The following ABHD2 variants were observed in gnomAD, a reference collection of about 807,000 sequenced individuals.
ABHD2 encodes abhydrolase domain containing 2, acylglycerol lipase, also known as monoacylglycerol lipase ABHD2.
ABHD2 carries 20 observed loss-of-function variants against 48.1 expected under a neutral mutation model. The ratio of observed to expected loss-of-function variants is 0.42; its 90% CI spans 0.29 to 0.60. The LOEUF is 0.60. ABHD2 is among the 20% of genes least tolerant of loss of function. The probability of loss-of-function intolerance (pLI) is 0.24; values close to 1 mark genes in which losing one functional copy is unlikely to be tolerated. For missense variants in ABHD2, 405 were observed against 550.9 expected (o/e 0.74, Z 2.65); for synonymous variants, 209 against 214.2 (o/e 0.98, Z 0.21).
In ABHD2 at chr15:89,101,972, T is replaced by TG. The variant is rs1225436917; in HGVS notation, c.-106-11752dup. Among the ~76,000 whole-genome samples, 18 of 152,314 alleles carry TG rather than the reference T, an allele frequency of 1.2e-4. 1 individual carries two copies. In the South Asian group the frequency reaches 1.7e-3, roughly 14 times the overall value. ...ATATGAACAACAGTGCACAGCCCTATGCGCACAGCCAAGGCAGCACCTGTG... is the reference window on the plus strand; with the variant it reads ...ATATGAACAACAGTGCACAGCCCTATGGCGCACAGCCAAGGCAGCACCTGTG... On this transcript the variant is annotated intron_variant, in intron 1 of 10. Transcript: ENST00000352732.
At chr15:89,118,610 C>G (rs2049999429) in intron 3 of ABHD2, among the ~76,000 whole-genome samples, 4 of 152,068 alleles carry the variant, frequency 2.6e-5, no homozygotes, top group African/African-American at 9.7e-5. Context: ...TCTTGAAAAC[C>G]AAAGTATTTA....
chr15:89,058,642 G>C, the ABHD2 span, among the ~76,000 whole-genome samples: 1 of 152,076 alleles, frequency 6.6e-6, no homozygotes, highest in African/African-American at 2.4e-5. Flanking sequence ...AGTGCCCCTG[G>C]ACATCGAGAC....
At chr15:89,059,398 C>T in the ABHD2 span, among the ~76,000 whole-genome samples, 2 of 152,290 alleles carry the variant, frequency 1.3e-5, no homozygotes, top group Middle Eastern at 3.4e-3. Flanking sequence ...CCCTGGGAGA[C>T]GCCTACAGAT....
chr15:89,089,191 C>T (rs1035571743), intron 1 of ABHD2, among the ~76,000 whole-genome samples: 1 of 152,260 alleles, frequency 6.6e-6, no homozygotes, highest in Non-Finnish European at 1.5e-5. Flanking sequence ...GCGCCTCGAC[C>T]TTGGCGATGT....
chr15:89,049,578 T>A, the ABHD2 span, among the ~76,000 whole-genome samples: 42,082 of 152,124 alleles, frequency 0.28, 6,200 homozygotes, highest in African/African-American at 0.38. Context: ...CAGGTGTGGG[T>A]TATAATCTCC....
intron 3 of ABHD2, among the ~76,000 whole-genome samples, chr15:89,145,618 C>G (rs1011353002): frequency 2.0e-5 from 3 of 152,184 alleles, no homozygotes; most frequent in Non-Finnish European, 2.9e-5. Context: ...GGCTGCCTAG[C>G]ATTCATTCTT....
Position 89,176,172 on chromosome 15 carries a change from T to TC in ABHD2, c.722+178dup, listed in dbSNP as rs2051010414. ...CATATCATACATTGGAGATGCCCCA[T>TC]CAGACCCCTTAAGCCTGGGATATGC... On this transcript the variant is annotated intron_variant, in intron 6 of 10. Coordinates refer to ENST00000352732, the MANE Select transcript of ABHD2 (RefSeq NM_152924.5). The surrounding 1 kb of genome is among the most constrained non-coding windows in gnomAD (Gnocchi z 4.5). Among the ~76,000 whole-genome samples, 1 of 152,194 alleles carries TC rather than the reference T, an allele frequency of 6.6e-6. No individual in the cohort carries two copies. Among genetic ancestry groups the TC allele is most frequent in the East Asian group, 1.9e-4 (1 of 5,198 alleles).
intron 3 of ABHD2, among the ~76,000 whole-genome samples, chr15:89,133,834 A>ATTT (rs71464448): frequency 0.17 from 20,480 of 123,394 alleles, 1,820 homozygotes; most frequent in East Asian, 0.23. Context: ...GCCATGCATA[A>ATTT]TTTTTTTTTT....
At chr15:89,119,334 C>T (rs975443973) in intron 3 of ABHD2, among the ~76,000 whole-genome samples, 3 of 152,180 alleles carry the variant, frequency 2.0e-5, no homozygotes, top group African/African-American at 4.8e-5. Context: ...AAAGGATTCA[C>T]TTTATTGCCC....
At position 89,094,348 on chromosome 15, in the gene ABHD2, A is replaced by G. The variant is rs530397037; in HGVS notation, c.-107+5785A>G. On this transcript the variant is annotated intron_variant, in intron 1 of 10. Transcript: ENST00000352732. This position sits in a 1 kb window ranked among gnomAD's most constrained non-coding sequence, Gnocchi z 4.7. The stretch of plus-strand genomic sequence containing the variant: ...GTGTACTGTTTACTTAGTCATGTCA[A>G]TGAGGGCAATAAAAAACAAAAATCA... 1.3e-5 allele frequency: 2 copies of G among 152,318 alleles called. No individual in the cohort carries two copies. Among genetic ancestry groups the G allele is most frequent in the South Asian group, 4.1e-4 (2 of 4,826 alleles). 9.4% of individuals were successfully genotyped at this position (152,318 alleles called of 1,614,324 possible).
intron 3 of ABHD2, among the ~76,000 whole-genome samples, chr15:89,127,842 A>G (rs1157535725): frequency 6.6e-6 from 1 of 151,482 alleles, no homozygotes; most frequent in Non-Finnish European, 1.5e-5. Flanking sequence ...ATCACACACA[A>G]TACTTTTTCT....
At position 89,177,888 on chromosome 15, in the gene ABHD2, C is replaced by T. The variant is rs539529083; in HGVS notation, c.722+1893C>T. ...TTTTTCAATGCACAAAATCTTAACA[C>T]GACAATCCCTTCATCTCATTTTGCT... On this transcript the variant is annotated intron_variant, in intron 6 of 10. Transcript: ENST00000352732. This position sits in a 1 kb window ranked among gnomAD's most constrained non-coding sequence, Gnocchi z 5.6. 3.3e-5 allele frequency among the ~76,000 whole-genome samples: 5 copies of T among 152,210 alleles called. No individual in the cohort carries two copies. The highest frequency in any genetic ancestry group is 7.2e-5 in the African/African-American group (3 of 41,534).
At chr15:89,085,373 C>A (rs1812711030), upstream of ABHD2, among the ~76,000 whole-genome samples, 1 of 151,864 alleles carries the variant, frequency 6.6e-6, no homozygotes, top group Non-Finnish European at 1.5e-5. This position sits in a 1 kb window ranked among gnomAD's most constrained non-coding sequence, Gnocchi z 4.2. Context: ...TCCATTTTGT[C>A]TCCTAAATGG....
At chr15:89,170,209 C>A (rs147402277) in intron 5 of ABHD2, among the ~76,000 whole-genome samples, 115 of 148,546 alleles carry the variant, frequency 7.7e-4, no homozygotes, top group South Asian at 4.6e-3. Flanking sequence ...GATTCTCCCA[C>A]CTCAGCCTCC....
chr15:89,073,371 C>G, the ABHD2 span, among the ~76,000 whole-genome samples: 1 of 152,178 alleles, frequency 6.6e-6, no homozygotes, highest in Non-Finnish European at 1.5e-5. Flanking sequence ...TCTTGGCTCA[C>G]TGCAACTTCC....
rs540968410 is a variant in ABHD2, at chr15:89,115,923, A to AG, written c.-6-399_-6-398insG. Among the ~76,000 whole-genome samples, 162 of 152,338 alleles carry AG rather than the reference A, an allele frequency of 1.1e-3. 1 individual carries two copies. Among genetic ancestry groups the AG allele is most frequent in the African/African-American group, 3.6e-3 (151 of 41,582 alleles). ...GGTTAAGCCTACAGAGAGGAAAAAA[A>AG]ACAAAAGGATGACCTGTTAACAAAA... is the stretch of plus-strand genomic sequence containing the variant. On this transcript the variant is annotated intron_variant, in intron 2 of 10. Transcript: ENST00000352732.
At chr15:89,079,718 G>A in the ABHD2 span, among the ~76,000 whole-genome samples, 1 of 152,198 alleles carries the variant, frequency 6.6e-6, no homozygotes, top group Non-Finnish European at 1.5e-5. This position sits in a 1 kb window ranked among gnomAD's most constrained non-coding sequence, Gnocchi z 4.3. Context: ...TCAAGAAAAT[G>A]TACTAAGTCT....
upstream of ABHD2, among the ~76,000 whole-genome samples, chr15:89,086,917 T>A (rs1901369996): frequency 6.6e-6 from 1 of 152,188 alleles, no homozygotes; most frequent in South Asian, 2.1e-4. Context: ...CAGAGGAATA[T>A]ATAAACACTG....
At chr15:89,158,332 T>C (rs551853690) in intron 5 of ABHD2, among the ~76,000 whole-genome samples, 1 of 152,334 alleles carries the variant, frequency 6.6e-6, no homozygotes, top group Admixed American at 6.5e-5. Flanking sequence ...ATCTCAGAGA[T>C]AGCAGAGTAA....
Sources: allele counts gnomAD v4.1 joint callset (sites outside exome capture counted in the v4.1 genomes callset), GRCh38; gene constraint gnomAD v4.1.1; non-coding constraint Gnocchi (gnomAD v3.1); transcripts MANE v1.5; gene names NCBI Gene and HGNC (gene_info 2026-07-23, HGNC 2026-07-21).